AGPS: variants seen among roughly 807,000 people sequenced by gnomAD.
The protein encoded by AGPS is alkylglycerone phosphate synthase, also known as alkyldihydroxyacetonephosphate synthase, peroxisomal.
AGPS carries 26 observed loss-of-function variants against 90.7 expected under a neutral mutation model. The ratio of observed to expected loss-of-function variants is 0.29; its 90% CI spans 0.21 to 0.40. The LOEUF is 0.40. Among genes scored for constraint, AGPS ranks in the 10% least tolerant of loss-of-function variants. AGPS has a pLI of 1.00. For missense variants in AGPS, 540 were observed against 816.1 expected (o/e 0.66, Z 4.12); for synonymous variants, 294 against 285.3 (o/e 1.03, Z -0.31).
intron 8 of AGPS, among the ~76,000 whole-genome samples, chr2:177,458,051 A>T (rs1370695111): frequency 6.6e-6 from 1 of 152,222 alleles, no homozygotes; most frequent in Non-Finnish European, 1.5e-5. Flanking sequence ...AAATAAATCA[A>T]TGTAATCCAT....
At chr2:177,441,976 A>T (rs1008100699) in intron 6 of AGPS, among the ~76,000 whole-genome samples, 4 of 152,224 alleles carry the variant, frequency 2.6e-5, no homozygotes, top group African/African-American at 9.6e-5. Context: ...ATATAAGATT[A>T]TTTTAAATGA....
intron 8 of AGPS, among the ~76,000 whole-genome samples, chr2:177,461,194 T>C (rs751857364): frequency 1.3e-5 from 2 of 152,186 alleles, no homozygotes; most frequent in Admixed American, 6.5e-5. Flanking sequence ...AATGATTTCA[T>C]TGGAATGGCT....
intron 2 of AGPS, among the ~76,000 whole-genome samples, chr2:177,429,102 C>A (rs924910056): frequency 6.6e-6 from 1 of 152,108 alleles, no homozygotes. Flanking sequence ...GTCTATTCTG[C>A]TATTGATACT....
intron 9 of AGPS, among the ~76,000 whole-genome samples, chr2:177,465,607 G>T (rs1004774942): frequency 6.6e-6 from 1 of 152,232 alleles, no homozygotes; most frequent in Non-Finnish European, 1.5e-5. Context: ...AGGCACGCCA[G>T]CTGTGGCAGG....
intron 8 of AGPS, among the ~76,000 whole-genome samples, chr2:177,452,308 T>C (rs1410450953): frequency 1.3e-5 from 2 of 152,216 alleles, no homozygotes; most frequent in Non-Finnish European, 2.9e-5. Context: ...TGTAGATTTG[T>C]ATATTTCTTC....
intron 10 of AGPS, among the ~76,000 whole-genome samples, chr2:177,478,525 C>T (rs1249203730): frequency 6.6e-6 from 1 of 152,118 alleles, no homozygotes; most frequent in Non-Finnish European, 1.5e-5. Context: ...CTCTGAGGCA[C>T]CATCCATTGT....
At chr2:177,420,228 T>A (rs1182056199) in intron 1 of AGPS, 41 bp from the exon 2 acceptor site, 1 of 1,267,302 alleles carries the variant, frequency 7.9e-7, no homozygotes, top group Non-Finnish European at 1.2e-6. Flanking sequence ...TTTTAAGATG[T>A]TTAGCATTGG....
intron 2 of AGPS, among the ~76,000 whole-genome samples, chr2:177,424,369 A>T (rs956150878): frequency 3.9e-5 from 6 of 152,086 alleles, no homozygotes; most frequent in African/African-American, 1.4e-4. Context: ...TCATTGATGG[A>T]CATTTGGGTT....
At chr2:177,529,433 G>GCAACCTTAT (rs2079117820) in intron 19 of AGPS, among the ~76,000 whole-genome samples, 1 of 152,060 alleles carries the variant, frequency 6.6e-6, no homozygotes, top group Non-Finnish European at 1.5e-5. Context: ...TCGCACCACT[G>GCAACCTTAT]CACTCCAGCA....
Position 177,482,026 on chromosome 2 carries a change from A to T in AGPS, c.1106-33A>T, listed in dbSNP as rs761724151. ...ATATGATTTAGAAAATTGTCATGTG[A>T]TGTACTGGATTATTCCCCCTTCTTT... On this transcript the variant is annotated intron_variant, in intron 10 of 19. Transcript: ENST00000264167. 8 of 1,565,646 alleles carry T rather than the reference A, an allele frequency of 5.1e-6. No individual in the cohort carries two copies. The South Asian group carries it at 9.0e-5, about 18-fold the overall frequency.
Position 177,530,142 on chromosome 2 carries a change from A to G in AGPS, c.1855+6337A>G, listed in dbSNP as rs141742810. The stretch of plus-strand genomic sequence containing the variant: ...TGAGAAAGATCCATACATTCAAGGG[A>G]TATGATTCAACAATAGTTTTAACAC... On this transcript the variant is annotated intron_variant, in intron 19 of 19. Transcript: ENST00000264167. Among the ~76,000 whole-genome samples, 455 of 152,354 alleles carry G rather than the reference A, an allele frequency of 3.0e-3. 4 individuals are homozygous for G. The highest frequency in any genetic ancestry group is 0.01 in the African/African-American group (430 of 41,588).
chr2:177,392,845 A>G lies in AGPS; in HGVS notation c.56A>G (p.Tyr19Cys). Residue 19 changes from tyrosine to cysteine, a missense_variant, in exon 1 of 20, where the codon TAC (tyrosine) becomes TGC (cysteine). Tyr to Cys is a radical substitution (Grantham distance 194). Coordinates refer to ENST00000264167, the MANE Select transcript of AGPS (RefSeq NM_003659.4). ...GGTGLGAGAS[Y>C]GSAADRDRDP... ...ACTGGCTTGGGCGCGGGCGCGAGCT[A>G]CGGGTCTGCAGCGGACCGGGACCGG... The G allele has an allele frequency of 6.4e-7, 1 of 1,551,688 alleles. No individual in the cohort carries two copies. Among genetic ancestry groups the G allele is most frequent in the Non-Finnish European group, 8.7e-7 (1 of 1,153,596 alleles).
At chr2:177,393,105 T>C (rs1685069367) in intron 1 of AGPS, 56 bp downstream of exon 1, 3 of 1,549,996 alleles carry the variant, frequency 1.9e-6, no homozygotes, top group Admixed American at 3.9e-5. Flanking sequence ...GGGCCTGTGC[T>C]GCAGGAGGGC....
chr2:177,492,807 C>T (rs970800364), intron 11 of AGPS, among the ~76,000 whole-genome samples: 1 of 152,112 alleles, frequency 6.6e-6, no homozygotes, highest in African/African-American at 2.4e-5. Flanking sequence ...CATCTTTGTT[C>T]TAAAATAATC....
intron 12 of AGPS, among the ~76,000 whole-genome samples, chr2:177,493,427 A>T (rs1222166142): frequency 6.6e-6 from 1 of 152,212 alleles, no homozygotes; most frequent in Non-Finnish European, 1.5e-5. Flanking sequence ...GAAGGAATTG[A>T]TTCTTCTTGA....
At chr2:177,437,980 A>G (rs893109128) in intron 5 of AGPS, among the ~76,000 whole-genome samples, 1 of 152,216 alleles carries the variant, frequency 6.6e-6, no homozygotes, top group African/African-American at 2.4e-5. Flanking sequence ...AATGTCTTTC[A>G]TCTCTATTAG....
At position 177,536,258 on chromosome 2, in the gene AGPS, A is replaced by C. The variant is rs540243202; in HGVS notation, c.1856-1816A>C. Among the ~76,000 whole-genome samples the C allele has an allele frequency of 2.6e-5, 4 of 152,266 alleles. No individual in the cohort carries two copies. In the East Asian group the frequency reaches 7.7e-4, roughly 29 times the overall value. ...GTCTTTTCAGGACAATTACATCCAT[A>C]ACCACAGGATACATTCAGTGAAACT... On this transcript the variant is annotated intron_variant, in intron 19 of 19. Coordinates refer to ENST00000264167, the MANE Select transcript of AGPS (RefSeq NM_003659.4).
intron 19 of AGPS, among the ~76,000 whole-genome samples, chr2:177,531,445 C>A (rs2079136508): frequency 6.6e-6 from 1 of 151,974 alleles, no homozygotes; most frequent in African/African-American, 2.4e-5. Context: ...AAAATATATA[C>A]CGAATTTGTA....
chr2:177,470,629 G>A (rs544073987), intron 10 of AGPS, among the ~76,000 whole-genome samples: 177 of 150,978 alleles, frequency 1.2e-3, no homozygotes, highest in African/African-American at 4.0e-3. Context: ...GCTTGAACCC[G>A]GGAGGCAGAG....
Sources: gnomAD v4.1 joint callset for allele counts (sites outside exome capture counted in the v4.1 genomes callset) on GRCh38, gnomAD v4.1.1 for gene constraint, MANE v1.5 for transcripts, NCBI Gene and HGNC (gene_info 2026-07-23, HGNC 2026-07-21) for gene names.